Variants in CFAP69 observed in about 807,000 individuals in gnomAD.
CFAP69 encodes the protein cilia and flagella associated protein 69.
A neutral mutation model predicts 123.0 loss-of-function variants in CFAP69; 92 were observed. The observed-to-expected ratio is 0.75, with a 90% CI of 0.63 to 0.89. CFAP69 has a LOEUF of 0.89. Among genes scored for constraint, CFAP69 ranks in the 40% least tolerant of loss-of-function variants. The probability of loss-of-function intolerance (pLI) is 0.00; values close to 1 mark genes in which losing one functional copy is unlikely to be tolerated. For synonymous variants in CFAP69, 380 were observed against 364.3 expected (o/e 1.04, Z -0.49); for missense variants, 1,067 against 1,096.9 (o/e 0.97, Z 0.39).
intron 9 of CFAP69, among the ~76,000 whole-genome samples, chr7:90,275,649 C>G (rs1039641006): frequency 1.5e-5 from 2 of 130,274 alleles, no homozygotes; most frequent in South Asian, 5.1e-4. Flanking sequence ...TCGCCCAGGC[C>G]GGAGTGCAGT....
intron 13 of CFAP69, among the ~76,000 whole-genome samples, chr7:90,284,649 A>G (rs1286330063): frequency 3.9e-5 from 6 of 152,216 alleles, no homozygotes; most frequent in Non-Finnish European, 8.8e-5. Context: ...TTTCAAGGCT[A>G]GGAAGTCTTA....
At chr7:90,247,850 AC>A (rs1250357894) in intron 1 of CFAP69, among the ~76,000 whole-genome samples, 3 of 152,242 alleles carry the variant, frequency 2.0e-5, no homozygotes, top group African/African-American at 7.2e-5. Context: ...TCTCAAAAAA[AC>A]AAAACAAAAC....
At chr7:90,277,661 A>T (rs1307272562) in intron 11 of CFAP69, among the ~76,000 whole-genome samples, 1 of 152,180 alleles carries the variant, frequency 6.6e-6, no homozygotes, top group African/African-American at 2.4e-5. Flanking sequence ...TCTGTCTCTG[A>T]CCATAACAAG....
chr7:90,269,644 C>G (rs1209495989), intron 6 of CFAP69, among the ~76,000 whole-genome samples: 1 of 152,020 alleles, frequency 6.6e-6, no homozygotes, highest in African/African-American at 2.4e-5. Context: ...ATAAAGTGGT[C>G]AGGGCAGATG....
chr7:90,305,404 T>A (rs1475085327), intron 19 of CFAP69, among the ~76,000 whole-genome samples: 1 of 151,392 alleles, frequency 6.6e-6, no homozygotes, highest in African/African-American at 2.4e-5. Flanking sequence ...AAAAATTATT[T>A]TTATGAGATG....
rs1554350044 is a variant in CFAP69 at position 90,255,414 on chromosome 7, GT to G, written c.121-3del. On this transcript the variant is annotated splice_region_variant and splice_polypyrimidine_tract_variant and intron_variant, in intron 1 of 22. Transcript: ENST00000389297. The stretch of plus-strand genomic sequence containing the variant: ...TGATCTAGAATAGTAAGAGTTGTAT[GT>G]TTTTTAGGATGTTTTCAAGCCTATG... 3.1e-6 allele frequency: 5 copies of G among 1,608,636 alleles called. No individual in the cohort carries two copies. The highest frequency in any genetic ancestry group is 4.3e-6 in the Non-Finnish European group (5 of 1,176,046).
chr7:90,246,184 A>C (rs766706355), intron 1 of CFAP69, among the ~76,000 whole-genome samples: 2 of 152,184 alleles, frequency 1.3e-5, no homozygotes, highest in Non-Finnish European at 2.9e-5. Flanking sequence ...ATGAATACAA[A>C]ATTCACTCTT....
Position 90,279,857 on chromosome 7 carries a change from C to T in CFAP69, c.1336C>T (p.Arg446Ter), listed in dbSNP as rs370094523. 3.1e-6 allele frequency: 5 copies of T among 1,608,682 alleles called. No individual in the cohort carries two copies. In the African/African-American group the frequency reaches 4.0e-5, roughly 13 times the overall value. Residue 446 changes from arginine (R) to a stop codon, truncating the protein, a stop_gained, in exon 12 of 23, where the codon CGA becomes TGA. Coordinates refer to ENST00000389297, the MANE Select transcript of CFAP69 (RefSeq NM_001039706.3). LOFTEE classifies it high-confidence loss of function. ...ATACATGTCATGCCAGGGAAATGCTCGAGTCCTTGCATTTCTAGAATGGTG... is the reference window on the plus strand; with the variant it reads ...ATACATGTCATGCCAGGGAAATGCTTGAGTCCTTGCATTTCTAGAATGGTG... ...EEYMSCQGNA[R>*]VLAFLEWCES...
chr7:90,246,657 T>G (rs1796375842), intron 1 of CFAP69, among the ~76,000 whole-genome samples: 1 of 152,176 alleles, frequency 6.6e-6, no homozygotes, highest in South Asian at 2.1e-4. Context: ...ACAATAGCTC[T>G]CCACTCCCTG....
At chr7:90,262,286 T>C (rs1356677490) in intron 4 of CFAP69, among the ~76,000 whole-genome samples, 1 of 152,200 alleles carries the variant, frequency 6.6e-6, no homozygotes, top group Non-Finnish European at 1.5e-5. Flanking sequence ...TGCTTTCTTG[T>C]AATTAGTTAC....
In CFAP69 at chr7:90,304,774, A is replaced by C; in HGVS notation, c.2219A>C (p.Glu740Ala). The C allele has an allele frequency of 6.3e-7, 1 of 1,593,534 alleles. No individual in the cohort carries two copies. The highest frequency in any genetic ancestry group is 8.6e-7 in the Non-Finnish European group (1 of 1,166,032). The change falls in exon 19 of 23, where the codon GAA (glutamate) becomes GCA (alanine). Residue 740 changes from glutamate (E) to alanine (A), a missense_variant. By Grantham distance (107) the Glu-to-Ala change is moderately radical. Transcript: ENST00000389297. ...GAAAATTTACCTGGCCTATCTGCTG[A>C]AGATTTTGTCACCCTTTGTATCATA... Reference protein sequence around the residue: ...DFENLPGLSAEDFVTLCIIHR... With the variant: ...DFENLPGLSAADFVTLCIIHR...
chr7:90,321,771 C>T, the CFAP69 span, among the ~76,000 whole-genome samples: 3 of 152,120 alleles, frequency 2.0e-5, no homozygotes, highest in East Asian at 3.9e-4. Context: ...GCAAACATAC[C>T]CTTGCTTCTA....
chr7:90,251,548 A>G (rs1266866984), intron 1 of CFAP69, among the ~76,000 whole-genome samples: 1 of 152,194 alleles, frequency 6.6e-6, no homozygotes, highest in Non-Finnish European at 1.5e-5. Flanking sequence ...GTCTCAAACC[A>G]TTCAATGGCT....
the CFAP69 span, among the ~76,000 whole-genome samples, chr7:90,323,590 T>TA: frequency 6.6e-6 from 1 of 151,630 alleles, no homozygotes; most frequent in African/African-American, 2.4e-5. Flanking sequence ...GATTGACAAA[T>TA]AAAAAATTAA....
chr7:90,278,877 T>G (rs1789008369), intron 11 of CFAP69, among the ~76,000 whole-genome samples: 1 of 152,204 alleles, frequency 6.6e-6, no homozygotes, highest in South Asian at 2.1e-4. Flanking sequence ...TCTTGCATTC[T>G]TTTCACATGG....
At chr7:90,320,801 A>G in the CFAP69 span, 1 of 152,276 alleles carries the variant, frequency 6.6e-6, no homozygotes, top group African/African-American at 2.4e-5. Context: ...AAATTGTGCA[A>G]ATTCCCCAGA....
intron 18 of CFAP69, chr7:90,304,486 T>A (rs1454139245): frequency 1.6e-6 from 2 of 1,252,712 alleles, no homozygotes; most frequent in African/African-American, 3.1e-5. Context: ...AAGATATTAT[T>A]GTCTGACTAC....
chr7:90,248,800 AT>A (rs959712455), intron 1 of CFAP69, among the ~76,000 whole-genome samples: 1 of 152,112 alleles, frequency 6.6e-6, no homozygotes, highest in African/African-American at 2.4e-5. Context: ...TAGTACCAGA[AT>A]TTTGGTGGCC....
At chr7:90,315,727 C>T (rs1426093397), downstream of CFAP69, among the ~76,000 whole-genome samples, 1 of 152,094 alleles carries the variant, frequency 6.6e-6, no homozygotes, top group African/African-American at 2.4e-5. Context: ...ATAGAACAAA[C>T]CTGTATGTGT....
Sources: allele counts gnomAD v4.1 joint callset (sites outside exome capture counted in the v4.1 genomes callset), GRCh38; gene constraint gnomAD v4.1.1; transcripts MANE v1.5; gene names NCBI Gene and HGNC (gene_info 2026-07-23, HGNC 2026-07-21).